The following ATRN variants were observed in gnomAD, a reference collection of about 807,000 sequenced individuals.
The protein encoded by ATRN is attractin.
ATRN carries 54 observed loss-of-function variants against 178.7 expected under a neutral mutation model. The observed-to-expected ratio is 0.30, with a 90% confidence interval of 0.24 to 0.38. The LOEUF is 0.38. ATRN is among the 10% of genes least tolerant of loss of function. The pLI is 1.00. For synonymous variants in ATRN, 636 were observed against 663.0 expected, an observed-to-expected ratio of 0.96 and a Z score of 0.63; for missense variants, 1,443 against 1,815.1, an observed-to-expected ratio of 0.79 and a Z score of 3.73.
intron 1 of ATRN, chr20:3,491,154 A>T (rs1321174296): frequency 1.1e-5 from 6 of 523,370 alleles, no homozygotes; most frequent in African/African-American, 9.8e-5. Flanking sequence ...TGGGGGAAAA[A>T]AATCAAAAAA....
chr20:3,641,542 G>A (rs1286443415), intron 27 of ATRN, among the ~76,000 whole-genome samples: 1 of 123,082 alleles, frequency 8.1e-6, no homozygotes. Flanking sequence ...AGTGAGCTGA[G>A]ATTGCACCAC....
At chr20:3,592,581 T>G in intron 19 of ATRN, 1 of 723,128 alleles carries the variant, frequency 1.4e-6, no homozygotes, top group Non-Finnish European at 1.7e-6. Flanking sequence ...GTCGAAAGAC[T>G]TTTCAAAGTT....
At chr20:3,619,508 C>G (rs1446336293) in intron 24 of ATRN, among the ~76,000 whole-genome samples, 1 of 152,222 alleles carries the variant, frequency 6.6e-6, no homozygotes, top group Non-Finnish European at 1.5e-5. Flanking sequence ...CCTAGTCATT[C>G]AGTATTCATT....
In ATRN at chr20:3,648,194, C is replaced by T. The variant is rs1308153000; in HGVS notation, c.*1347C>T. ...GGAGGGGCTCGACCCACCCACCCTC[C>T]CTCTCAGACCAAGGTGGTGGCTGTG... On this transcript the variant is annotated 3_prime_UTR_variant, in exon 29 of 29. Coordinates refer to ENST00000262919, the MANE Select transcript of ATRN (RefSeq NM_139321.3). 6.6e-6 allele frequency: 1 copy of T among 151,472 alleles called. No individual in the cohort carries two copies. Among genetic ancestry groups the T allele is most frequent in the African/African-American group, 2.4e-5 (1 of 41,166 alleles). 9.4% of individuals were successfully genotyped at this position (151,472 alleles called of 1,614,324 possible).
At chr20:3,492,875 G>GCGCA (rs1555807936) in intron 1 of ATRN, among the ~76,000 whole-genome samples, 43 of 106,798 alleles carry the variant, frequency 4.0e-4, no homozygotes, top group Non-Finnish European at 5.8e-4. Flanking sequence ...GCGTGCGCAC[G>GCGCA]CACACACACA....
Position 3,575,933 on chromosome 20 carries a change from C to T in ATRN, c.2199C>T (p.Ser733=). Residue 733 remains serine (S), a synonymous_variant, in exon 13 of 29, where the codon AGC becomes AGT. Transcript: ENST00000262919. ...ACCATTGTGTCCCCAGGAACCACAG[C>T]TGCTCAGAAGGCCAGGTCAGAGGCT... ...CNDHCVPRNH[S]CSEGQISIFR... 6.2e-7 allele frequency: 1 copy of T among 1,613,904 alleles called. No individual in the cohort carries two copies. Among genetic ancestry groups the T allele is most frequent in the Non-Finnish European group, 8.5e-7 (1 of 1,179,928 alleles).
intron 24 of ATRN, among the ~76,000 whole-genome samples, chr20:3,604,955 A>C (rs616641): frequency 0.12 from 17,746 of 152,014 alleles, 1,652 homozygotes; most frequent in African/African-American, 0.26. Context: ...TACTCATGTC[A>C]CCTGGGGCCT....
chr20:3,524,093 A>G (rs984105850), intron 1 of ATRN, among the ~76,000 whole-genome samples: 12 of 152,212 alleles, frequency 7.9e-5, no homozygotes, highest in East Asian at 1.9e-4. Flanking sequence ...AAATGCCCCA[A>G]TTAAAAGACA....
At chr20:3,565,304 T>G (rs1261959484) in intron 10 of ATRN, 44 bp from the exon 11 acceptor site, 1 of 1,483,098 alleles carries the variant, frequency 6.7e-7, no homozygotes, top group African/African-American at 1.4e-5. Flanking sequence ...TCCTGTTGAT[T>G]AGAAATGGTA....
In ATRN at chr20:3,634,329, C is replaced by A. The variant is rs778539343; in HGVS notation, c.3882C>A (p.Leu1294=). Residue 1294 remains leucine, a synonymous_variant, in exon 26 of 29, where the codon CTC becomes CTA. Coordinates refer to ENST00000262919, the MANE Select transcript of ATRN (RefSeq NM_139321.3). ...VTFFSCFLSL[L]LVAAVVWKIK... is the part of the protein sequence containing the mutation. ...CTCACAGTTGTTTCCTCTCTTTGCT[C>A]CTGGTGGCTGCTGTGGTTTGGAAGA... 1 of 1,612,348 alleles carries A rather than the reference C, an allele frequency of 6.2e-7. No homozygotes were observed. Among genetic ancestry groups the A allele is most frequent in the Admixed American group, 1.7e-5 (1 of 59,992 alleles).
chr20:3,509,968 A>G (rs1191094027), intron 1 of ATRN, among the ~76,000 whole-genome samples: 1 of 152,136 alleles, frequency 6.6e-6, no homozygotes, highest in Non-Finnish European at 1.5e-5. Flanking sequence ...ATACACAGAT[A>G]TGTGTGTGTA....
At chr20:3,613,260 T>C (rs1218763280) in intron 24 of ATRN, among the ~76,000 whole-genome samples, 1 of 152,178 alleles carries the variant, frequency 6.6e-6, no homozygotes, top group African/African-American at 2.4e-5. Context: ...ACGTGTCTTT[T>C]TGCTGTTTGG....
At chr20:3,524,788 A>G (rs1367597417) in intron 1 of ATRN, among the ~76,000 whole-genome samples, 5 of 152,192 alleles carry the variant, frequency 3.3e-5, no homozygotes, top group African/African-American at 9.7e-5. Context: ...AAACTGAACA[A>G]CCTTCTCCTG....
chr20:3,559,540 T>C, intron 7 of ATRN, 57 bp downstream of exon 7: 1 of 1,402,338 alleles, frequency 7.1e-7, no homozygotes, highest in Non-Finnish European at 1.0e-6. Context: ...AGTTACTTCA[T>C]GTATTACATA....
At chr20:3,644,027 A>T in intron 27 of ATRN, 127 bp from the exon 28 acceptor site, 1 of 681,402 alleles carries the variant, frequency 1.5e-6, no homozygotes, top group Non-Finnish European at 2.5e-6. Context: ...CATTATCTTA[A>T]AAACTGCAAT....
At chr20:3,555,033 C>T (rs1427100650) in intron 6 of ATRN, among the ~76,000 whole-genome samples, 2 of 109,626 alleles carry the variant, frequency 1.8e-5, no homozygotes, top group Non-Finnish European at 3.3e-5. Context: ...GACGGAGTCT[C>T]GCTGTCGCCC....
chr20:3,584,725 A>G lies in ATRN; in HGVS notation c.3029A>G (p.Asn1010Ser). 2 of 1,614,114 alleles carry G rather than the reference A, an allele frequency of 1.2e-6. No homozygotes were observed. The highest frequency in any genetic ancestry group is 1.7e-6 in the Non-Finnish European group (2 of 1,180,018). ...TGTGGCTGGTGTACTGATCCCAGCAATACTGGCAAAGGGAAATGCATAGAG... is the reference window on the plus strand; with the variant it reads ...TGTGGCTGGTGTACTGATCCCAGCAGTACTGGCAAAGGGAAATGCATAGAG... ...PGCGWCTDPS[N>S]TGKGKCIEGS... Residue 1010 changes from asparagine (N) to serine (S), a missense_variant, in exon 18 of 29, where the codon AAT becomes AGT. Transcript: ENST00000262919.
In ATRN at chr20:3,547,334, G is replaced by C; in HGVS notation, c.788G>C (p.Ser263Thr). 1 of 1,614,170 alleles carries C rather than the reference G, an allele frequency of 6.2e-7. No homozygotes were observed. The highest frequency in any genetic ancestry group is 2.2e-5 in the East Asian group (1 of 44,878). Residue 263 changes from serine to threonine, a missense_variant, in exon 5 of 29, where the codon AGT (serine) becomes ACT (threonine). Around this residue, in one of 4 missense-constraint regions of ATRN, gnomAD observed 862 missense variants for 972.1 expected, o/e 0.89. Coordinates refer to ENST00000262919, the MANE Select transcript of ATRN (RefSeq NM_139321.3). ...TCAGGCCGAGGAGAGTGTAAGATCAGTAATAGCAGCGATACTGTTGAATGT... is the reference window on the plus strand; with the variant it reads ...TCAGGCCGAGGAGAGTGTAAGATCACTAATAGCAGCGATACTGTTGAATGT... ...NCSGRGECKISNSSDTVECEC... is the reference protein window; with the variant it reads ...NCSGRGECKITNSSDTVECEC...
chr20:3,622,758 TC>T (rs2086906220), intron 24 of ATRN, among the ~76,000 whole-genome samples: 1 of 152,232 alleles, frequency 6.6e-6, no homozygotes, highest in South Asian at 2.1e-4. Flanking sequence ...ACTAAGAGGA[TC>T]CCTTTAAAGT....
Sources: allele counts gnomAD v4.1 joint callset (sites outside exome capture counted in the v4.1 genomes callset), GRCh38; gene constraint gnomAD v4.1.1; regional missense constraint gnomAD v4.1.1; transcripts MANE v1.5; gene names NCBI Gene and HGNC (gene_info 2026-07-23, HGNC 2026-07-21).